The following RSPH14 variants were observed in gnomAD, a reference collection of about 807,000 sequenced individuals.
RSPH14 encodes the protein radial spoke head 14 homolog, also known as rhabdoid tumor deletion region gene 1.
A neutral mutation model predicts 26.7 loss-of-function variants in RSPH14; 20 were observed. The ratio of observed to expected loss-of-function variants is 0.75; its 90% CI spans 0.53 to 1.09. The LOEUF is 1.09. Among genes scored for constraint, RSPH14 ranks in the 50% least tolerant of loss-of-function variants. RSPH14 has a pLI of 0.00. For synonymous variants in RSPH14, 177 were observed against 189.3 expected (o/e 0.93, Z 0.53); for missense variants, 449 against 457.2 (o/e 0.98, Z 0.16).
At chr22:23,171,572 GGTGGCTCACA>G in the RSPH14 span, among the ~76,000 whole-genome samples, 10 of 152,106 alleles carry the variant, frequency 6.6e-5, no homozygotes, top group East Asian at 5.8e-4. Context: ...TGCTGAGCGC[GGTGGCTCACA>G]CCTGTAATCC....
the RSPH14 span, among the ~76,000 whole-genome samples, chr22:23,169,871 G>A: frequency 6.6e-6 from 1 of 152,138 alleles, no homozygotes; most frequent in Admixed American, 6.5e-5. Context: ...GGGAGGTGGA[G>A]GTGGGCGGAT....
chr22:23,134,561 A>G (rs1318068923), intron 3 of RSPH14, among the ~76,000 whole-genome samples: 1 of 150,088 alleles, frequency 6.7e-6, no homozygotes, highest in Non-Finnish European at 1.5e-5. Context: ...AAAAAAAAAA[A>G]AAAAAAAAAA....
At chr22:23,153,453 G>T in the RSPH14 span, 1 of 517,960 alleles carries the variant, frequency 1.9e-6, no homozygotes, top group Non-Finnish European at 2.5e-6. Context: ...TAGGCCTCCT[G>T]TGATCCCACT....
chr22:23,081,104 G>A (rs1298344926), intron 4 of RSPH14, among the ~76,000 whole-genome samples: 4 of 152,206 alleles, frequency 2.6e-5, no homozygotes, highest in Non-Finnish European at 4.4e-5. Flanking sequence ...AATGAAAGTG[G>A]TTGCTTTGGA....
At chr22:23,080,538 CAAAG>C (rs2068646918) in intron 4 of RSPH14, among the ~76,000 whole-genome samples, 2 of 152,200 alleles carry the variant, frequency 1.3e-5, no homozygotes, top group Non-Finnish European at 2.9e-5. Flanking sequence ...TTTGAGGAGG[CAAAG>C]AAAGGAGGAC....
the RSPH14 span, chr22:23,162,980 C>T: frequency 1.9e-5 from 6 of 323,602 alleles, no homozygotes; most frequent in Non-Finnish European, 3.0e-5. Context: ...GGCGTAATCT[C>T]GGCTCAGTGC....
At chr22:23,147,809 T>G (rs887456427), upstream of RSPH14, among the ~76,000 whole-genome samples, 4 of 152,296 alleles carry the variant, frequency 2.6e-5, no homozygotes, top group Non-Finnish European at 5.9e-5. Context: ...TGAGGAAGAA[T>G]GAGGCAACCT....
At chr22:23,131,519 G>A in intron 4 of RSPH14, 1 of 852,102 alleles carries the variant, frequency 1.2e-6, no homozygotes, top group Non-Finnish European at 1.6e-6. Flanking sequence ...TGGCAAAGCT[G>A]GCTGGTGGTA....
At chr22:23,138,705 T>C (rs2070526332) in intron 3 of RSPH14, 135 bp downstream of exon 3, 1 of 696,484 alleles carries the variant, frequency 1.4e-6, no homozygotes, top group Non-Finnish European at 2.4e-6. Flanking sequence ...AGTCCTGCTC[T>C]GGCTAAATAG....
intron 6 of RSPH14, among the ~76,000 whole-genome samples, chr22:23,060,025 A>G (rs559298998): frequency 6.6e-6 from 1 of 152,176 alleles, no homozygotes; most frequent in South Asian, 2.1e-4. Context: ...ACAAAAATTT[A>G]AAAATTATCC....
At chr22:23,103,435 C>T (rs371852552) in intron 4 of RSPH14, among the ~76,000 whole-genome samples, 15 of 152,280 alleles carry the variant, frequency 9.9e-5, no homozygotes, top group East Asian at 7.7e-4. Flanking sequence ...CTGAAGAACC[C>T]GACAGTGTCC....
chr22:23,093,208 CT>C (rs560915030), intron 4 of RSPH14, among the ~76,000 whole-genome samples: 26 of 152,244 alleles, frequency 1.7e-4, no homozygotes, highest in Non-Finnish European at 3.5e-4. Context: ...AATTTTCAGC[CT>C]CACTGGGATT....
At chr22:23,161,804 A>C in the RSPH14 span, 2 of 536,112 alleles carry the variant, frequency 3.7e-6, no homozygotes, top group Non-Finnish European at 6.7e-6. Flanking sequence ...CCACCGGGCC[A>C]GTGCAGGCAC....
the RSPH14 span, chr22:23,179,698 G>A: frequency 6.0e-6 from 1 of 166,022 alleles, no homozygotes; most frequent in East Asian, 1.5e-4. Flanking sequence ...TGGTCCTGCT[G>A]TGACAAACCC....
chr22:23,122,893 G>C (rs1037203808), intron 4 of RSPH14, among the ~76,000 whole-genome samples: 1 of 152,212 alleles, frequency 6.6e-6, no homozygotes, highest in Admixed American at 6.5e-5. Flanking sequence ...TGGCAAGGAG[G>C]GTGCTGCCGG....
At chr22:23,132,918 C>T (rs1055133314) in intron 4 of RSPH14, 2 of 152,080 alleles carry the variant, frequency 1.3e-5, no homozygotes, top group African/African-American at 4.8e-5. Flanking sequence ...ACAGTGCGGA[C>T]ACCCGACTGG....
At chr22:23,067,519 C>T (rs563719053) in intron 4 of RSPH14, among the ~76,000 whole-genome samples, 175 of 152,340 alleles carry the variant, frequency 1.1e-3, no homozygotes, top group African/African-American at 4.0e-3. Flanking sequence ...CTTGCATGGC[C>T]CTGTGCCCTG....
At chr22:23,139,833 G>A (rs2070558258) in intron 2 of RSPH14, among the ~76,000 whole-genome samples, 1 of 152,014 alleles carries the variant, frequency 6.6e-6, no homozygotes, top group Non-Finnish European at 1.5e-5. Flanking sequence ...GGCTGACCTG[G>A]GAGAATCAAT....
At chr22:23,075,774 G>A (rs2068492341) in intron 4 of RSPH14, among the ~76,000 whole-genome samples, 1 of 152,170 alleles carries the variant, frequency 6.6e-6, no homozygotes, top group Non-Finnish European at 1.5e-5. Flanking sequence ...CGTGGTTGTG[G>A]TTAGAGCAAA....
Sources: allele counts gnomAD v4.1 joint callset (sites outside exome capture counted in the v4.1 genomes callset), GRCh38; gene constraint gnomAD v4.1.1; transcripts MANE v1.5; gene names NCBI Gene and HGNC (gene_info 2026-07-23, HGNC 2026-07-21).